The following ATP8A2 variants were observed in gnomAD, a reference collection of about 807,000 sequenced individuals.
The protein encoded by ATP8A2 is phospholipid-transporting ATPase IB.
ATP8A2 carries 100 observed loss-of-function variants against 165.6 expected under a neutral mutation model. The ratio of observed to expected loss-of-function variants is 0.60; its 90% CI spans 0.51 to 0.71. The LOEUF (loss-of-function observed/expected upper bound fraction) is 0.71, where lower values mean the gene tolerates loss of function less well. ATP8A2 is among the 30% of genes least tolerant of loss of function. ATP8A2 has a pLI of 0.00. For synonymous variants in ATP8A2, 543 were observed against 548.8 expected, an observed-to-expected ratio of 0.99 and a Z score of 0.15; for missense variants, 1,227 against 1,479.5, an observed-to-expected ratio of 0.83 and a Z score of 2.80.
At chr13:25,590,346 G>A (rs68166219) in intron 24 of ATP8A2, among the ~76,000 whole-genome samples, 17,992 of 152,216 alleles carry the variant, frequency 0.12, 1,304 homozygotes, top group Non-Finnish European at 0.18. Flanking sequence ...AATTGATTGA[G>A]CCTGGGATGT....
chr13:25,605,617 A>AT (rs549204624), intron 24 of ATP8A2, among the ~76,000 whole-genome samples: 86 of 152,272 alleles, frequency 5.6e-4, no homozygotes, highest in African/African-American at 2.0e-3. Context: ...ATTGGTAGCC[A>AT]TTTTTTAAAA....
At chr13:25,526,411 T>C (rs1384258315) in intron 2 of ATP8A2, among the ~76,000 whole-genome samples, 1 of 152,210 alleles carries the variant, frequency 6.6e-6, no homozygotes, top group East Asian at 1.9e-4. Context: ...TATTTCAGTT[T>C]TCTCTGTCTG....
rs1225584946 is a variant in ATP8A2, at chr13:25,750,778, CT to C, written c.2385-18267del. Among the ~76,000 whole-genome samples, 2 of 151,740 alleles carry C rather than the reference CT, an allele frequency of 1.3e-5. No individual in the cohort carries two copies. The highest frequency in any genetic ancestry group is 4.8e-5 in the African/African-American group (2 of 41,284). On this transcript the variant is annotated intron_variant, in intron 25 of 36. Coordinates refer to ENST00000381655, the MANE Select transcript of ATP8A2 (RefSeq NM_016529.6). This position sits in a 1 kb window ranked among gnomAD's most constrained non-coding sequence, Gnocchi z 4.3. ...CTTCTGCTCGATGTATACAAAACTT[CT>C]GTTTTGAAAGAGTTGCTTGGGGAAA...
intron 35 of ATP8A2, 86 bp from the exon 36 acceptor site, chr13:26,012,445 A>C (rs901235874): frequency 9.3e-7 from 1 of 1,079,800 alleles, no homozygotes; most frequent in Non-Finnish European, 1.3e-6. Context: ...GTGATCCCCC[A>C]CCTCATCCCA....
At chr13:25,641,261 C>T (rs1413796992) in intron 24 of ATP8A2, among the ~76,000 whole-genome samples, 2 of 152,098 alleles carry the variant, frequency 1.3e-5, no homozygotes, top group Non-Finnish European at 2.9e-5. Context: ...CCAGGGCAGT[C>T]AGTCAGGAGA....
intron 1 of ATP8A2, among the ~76,000 whole-genome samples, chr13:25,387,016 A>G (rs938584374): frequency 1.3e-5 from 2 of 152,048 alleles, no homozygotes; most frequent in African/African-American, 4.8e-5. Flanking sequence ...AGAACAAAAC[A>G]AAACAAAAAA....
rs147794758 is a variant in ATP8A2, at chr13:25,779,547, G to A, written c.2679+4588G>A. On this transcript the variant is annotated intron_variant, in intron 27 of 36. Coordinates refer to ENST00000381655, the MANE Select transcript of ATP8A2 (RefSeq NM_016529.6). ...GCATCTGAATGGCTCAGTCGGAGTA[G>A]TATTGCCATTGGAAGCTGGGATTCC... is the stretch of plus-strand genomic sequence containing the variant. Among the ~76,000 whole-genome samples, 113 of 152,270 alleles carry A rather than the reference G, an allele frequency of 7.4e-4. No individual in the cohort carries two copies. The East Asian group carries it at 9.1e-3, about 12-fold the overall frequency.
intron 35 of ATP8A2, among the ~76,000 whole-genome samples, chr13:25,984,847 G>T (rs756725560): frequency 5.9e-5 from 9 of 152,092 alleles, no homozygotes. Flanking sequence ...AGAAACAAAG[G>T]AATGTGTCAC....
intron 23 of ATP8A2, among the ~76,000 whole-genome samples, chr13:25,582,981 T>C (rs1455783814): frequency 2.6e-5 from 4 of 152,232 alleles, no homozygotes; most frequent in Non-Finnish European, 2.9e-5. Context: ...GAGAGTAACA[T>C]AGGATTCATA....
intron 13 of ATP8A2, among the ~76,000 whole-genome samples, chr13:25,555,903 T>A (rs2038966930): frequency 7.0e-6 from 1 of 142,708 alleles, no homozygotes; most frequent in South Asian, 2.2e-4. Flanking sequence ...ATTAATTCTC[T>A]TAAGATAATG....
intron 25 of ATP8A2, among the ~76,000 whole-genome samples, chr13:25,717,972 T>C (rs966965169): frequency 1.3e-5 from 2 of 152,214 alleles, no homozygotes; most frequent in African/African-American, 2.4e-5. Flanking sequence ...AGTCCAGGCT[T>C]ATAAGGAAAA....
intron 12 of ATP8A2, 78 bp downstream of exon 12, chr13:25,553,998 AAAG>A (rs1175319333): frequency 2.4e-5 from 35 of 1,432,962 alleles, no homozygotes; most frequent in Non-Finnish European, 3.2e-5. Context: ...AGCACTCAAA[AAAG>A]AAGAACTATA....
At chr13:25,401,802 C>T (rs2033645491) in intron 1 of ATP8A2, among the ~76,000 whole-genome samples, 1 of 152,122 alleles carries the variant, frequency 6.6e-6, no homozygotes. Context: ...TTAATAACAA[C>T]AATAATAAAA....
intron 24 of ATP8A2, among the ~76,000 whole-genome samples, chr13:25,593,405 G>C (rs7332027): frequency 0.84 from 127,939 of 152,080 alleles, 54,698 homozygotes; most frequent in African/African-American, 0.92. Context: ...TAGGATTTAT[G>C]TCTGTGTTTT....
chr13:25,393,491 C>T (rs1446544169), intron 1 of ATP8A2, among the ~76,000 whole-genome samples: 3 of 152,222 alleles, frequency 2.0e-5, no homozygotes, highest in Admixed American at 6.5e-5. Flanking sequence ...TCTCAGCTCA[C>T]TGCAACCTCT....
intron 25 of ATP8A2, among the ~76,000 whole-genome samples, chr13:25,738,096 G>A (rs111845040): frequency 6.6e-6 from 1 of 152,182 alleles, no homozygotes; most frequent in African/African-American, 2.4e-5. Context: ...GTTAATCTCT[G>A]CATCACTTCC....
intron 35 of ATP8A2, 106 bp from the exon 36 acceptor site, chr13:26,012,425 A>G: frequency 1.2e-6 from 1 of 856,984 alleles, no homozygotes; most frequent in Non-Finnish European, 1.8e-6. Flanking sequence ...GCCTTACCCG[A>G]CGTGGGGAGG....
intron 10 of ATP8A2, among the ~76,000 whole-genome samples, chr13:25,549,519 C>T (rs529960540): frequency 2.0e-5 from 3 of 151,104 alleles, no homozygotes; most frequent in Non-Finnish European, 4.4e-5. Flanking sequence ...CAGGCTGACA[C>T]TCCTGTGTGA....
intron 25 of ATP8A2, among the ~76,000 whole-genome samples, chr13:25,766,715 T>TA (rs1331129950): frequency 1.3e-5 from 2 of 152,160 alleles, no homozygotes; most frequent in South Asian, 2.1e-4. Flanking sequence ...CCTCAAAAAT[T>TA]AAAAAAATTT....
Sources: gnomAD v4.1 joint callset for allele counts (sites outside exome capture counted in the v4.1 genomes callset) on GRCh38, gnomAD v4.1.1 for gene constraint, Gnocchi (gnomAD v3.1) non-coding constraint, MANE v1.5 for transcripts, NCBI Gene and HGNC (gene_info 2026-07-23, HGNC 2026-07-21) for gene names.